Variants in GAREM2 observed in about 807,000 individuals in gnomAD.
The protein encoded by GAREM2 is GRB2 associated regulator of MAPK1 subtype 2, also known as GRB2-associated and regulator of MAPK protein 2.
In GAREM2, 30 loss-of-function variants were observed where a neutral mutation model predicts 55.6. That is an observed-to-expected ratio of 0.54 (90% CI 0.40 to 0.73). GAREM2 has a LOEUF of 0.73. Ranked by LOEUF, GAREM2 falls within the 30% of genes least tolerant of loss-of-function variation. The pLI, the probability that GAREM2 is intolerant of heterozygous loss-of-function variation, is 0.00. For missense variants in GAREM2, 1,075 were observed against 1,257.7 expected, an observed-to-expected ratio of 0.85 and a Z score of 2.20; for synonymous variants, 550 against 569.1, an observed-to-expected ratio of 0.97 and a Z score of 0.48.
the GAREM2 span, among the ~76,000 whole-genome samples, chr2:26,202,814 G>A: frequency 1.1e-4 from 16 of 152,364 alleles, no homozygotes; most frequent in South Asian, 3.3e-3. Context: ...CATGACAGCA[G>A]TCAGCAAACA....
chr2:26,180,141 G>A (rs555192193), intron 2 of GAREM2, among the ~76,000 whole-genome samples: 25 of 152,244 alleles, frequency 1.6e-4, no homozygotes, highest in African/African-American at 4.8e-4. Flanking sequence ...GGGCTCCCCC[G>A]CCAGCGTTCT....
At position 26,184,901 on chromosome 2, in the gene GAREM2, C is replaced by A; in HGVS notation, c.1053C>A (p.Arg351=). 6.9e-7 allele frequency: 1 copy of A among 1,453,546 alleles called. No homozygotes were observed. 90.0% of individuals were successfully genotyped at this position (1,453,546 alleles called of 1,614,324 possible). Residue 351 remains arginine, a synonymous_variant, in exon 4 of 6, where the codon CGC becomes CGA. Coordinates refer to ENST00000401533, the MANE Select transcript of GAREM2 (RefSeq NM_001168241.2). ...ACAGCGCCTCCTACTGCCGCGAGCG[C>A]TTCGACCCCGACGAGTACTCCACGG... ...VRDSASYCRE[R]FDPDEYSTAV... is the part of the protein sequence containing the mutation.
chr2:26,177,324 G>A (rs530058289), intron 2 of GAREM2, among the ~76,000 whole-genome samples: 33 of 152,272 alleles, frequency 2.2e-4, no homozygotes, highest in Non-Finnish European at 4.3e-4. Flanking sequence ...AGACGTCCCC[G>A]TGTGAGCCCC....
In GAREM2 at chr2:26,179,892, C is replaced by T. The variant is rs898077459; in HGVS notation, c.254-3075C>T. Among the ~76,000 whole-genome samples, 1 of 151,954 alleles carries T rather than the reference C, an allele frequency of 6.6e-6. No individual in the cohort carries two copies. Among genetic ancestry groups the T allele is most frequent in the Non-Finnish European group, 1.5e-5 (1 of 67,930 alleles). ...CCCACAGGGGGCAGTGGGCATTGCTCCCTGCCTGGCTACTTGTGGTTGGGG... is the reference window on the plus strand; with the variant it reads ...CCCACAGGGGGCAGTGGGCATTGCTTCCTGCCTGGCTACTTGTGGTTGGGG... On this transcript the variant is annotated intron_variant, in intron 2 of 5. Coordinates refer to ENST00000401533, the MANE Select transcript of GAREM2 (RefSeq NM_001168241.2). This position sits in a 1 kb window ranked among gnomAD's most constrained non-coding sequence, Gnocchi z 4.7.
At chr2:26,192,157 G>A (rs1287085202), downstream of GAREM2, among the ~76,000 whole-genome samples, 2 of 151,740 alleles carry the variant, frequency 1.3e-5, no homozygotes, top group East Asian at 3.9e-4. Flanking sequence ...ATGGAAGACA[G>A]CACCATGGCA....
At chr2:26,196,601 C>A in the GAREM2 span, among the ~76,000 whole-genome samples, 2 of 151,438 alleles carry the variant, frequency 1.3e-5, no homozygotes, top group African/African-American at 2.4e-5. Flanking sequence ...GTATCCCTTG[C>A]TCCCGGGCAA....
At chr2:26,175,135 C>T (rs1360759168) in intron 1 of GAREM2, among the ~76,000 whole-genome samples, 1 of 152,136 alleles carries the variant, frequency 6.6e-6, no homozygotes, top group Non-Finnish European at 1.5e-5. Context: ...TTTTATGGAG[C>T]CCCCAGCCAT....
intron 3 of GAREM2, 135 bp downstream of exon 3, chr2:26,183,232 G>A: frequency 1.2e-6 from 1 of 862,478 alleles, no homozygotes; most frequent in Non-Finnish European, 1.8e-6. Flanking sequence ...GGGGTCTTTG[G>A]CACAATCAAG....
At chr2:26,191,464 C>G (rs778281315), downstream of GAREM2, 2 of 1,614,162 alleles carry the variant, frequency 1.2e-6, no homozygotes, top group Admixed American at 1.7e-5. Context: ...GAGCTTCCTT[C>G]CCAACCTGCG....
At chr2:26,183,376 C>T (rs1340742301) in intron 3 of GAREM2, among the ~76,000 whole-genome samples, 2 of 152,206 alleles carry the variant, frequency 1.3e-5, no homozygotes, top group Non-Finnish European at 2.9e-5. Flanking sequence ...TCCCTAGCTG[C>T]CCCAGCACCC....
chr2:26,182,732 A>T (rs182967602), intron 2 of GAREM2, among the ~76,000 whole-genome samples: 107 of 152,174 alleles, frequency 7.0e-4, no homozygotes, highest in African/African-American at 2.4e-3. Context: ...CAGGCTCTCT[A>T]TGGGGGGAGG....
chr2:26,196,746 G>A, the GAREM2 span, among the ~76,000 whole-genome samples: 10 of 152,308 alleles, frequency 6.6e-5, no homozygotes, highest in African/African-American at 2.2e-4. Flanking sequence ...GCTCTGCTCC[G>A]ATGGCGGGGA....
In GAREM2 at chr2:26,187,739, C is replaced by A. The variant is rs748345730; in HGVS notation, c.2107C>A (p.Pro703Thr). The A allele has an allele frequency of 6.9e-7, 1 of 1,456,892 alleles. No individual in the cohort carries two copies. The highest frequency in any genetic ancestry group is 9.1e-7 in the Non-Finnish European group (1 of 1,099,676). 90.2% of individuals were successfully genotyped at this position (1,456,892 alleles called of 1,614,324 possible). The part of the protein sequence containing the change: ...WQEPVLEPFD[P>T]FELGQGSSPE... Reference sequence around the variant, plus strand: ...GGAACCAGTCCTGGAGCCCTTCGATCCCTTTGAGCTGGGGCAGGGCAGTTC... The same window carrying A: ...GGAACCAGTCCTGGAGCCCTTCGATACCTTTGAGCTGGGGCAGGGCAGTTC... Residue 703 changes from proline to threonine, a missense_variant, in exon 6 of 6, where the codon CCC (proline) becomes ACC (threonine). Physicochemically the swap from Pro to Thr is conservative, Grantham distance 38. Transcript: ENST00000401533.
chr2:26,185,286 C>A lies in GAREM2; in HGVS notation c.1428+10C>A. 1 of 1,500,664 alleles carries A rather than the reference C, an allele frequency of 6.7e-7. No homozygotes were observed. The highest frequency in any genetic ancestry group is 8.8e-7 in the Non-Finnish European group (1 of 1,131,546). The allele number at this position is 1,500,664 out of a possible 1,614,324, so 93.0% of individuals were successfully genotyped here. A position where few individuals can be genotyped will look rare whatever the true frequency, so the allele number is the denominator to read the frequency against. On this transcript the variant is annotated intron_variant, in intron 4 of 5. Transcript: ENST00000401533. ...TCCCAAATCCGAGGCGGTGAGTGAG[C>A]GCGCTGGGGGCCGAGTCCCGGGTCC...
Position 26,173,189 on chromosome 2 carries a change from C to G in GAREM2, c.-32C>G. 1 of 987,178 alleles carries G rather than the reference C, an allele frequency of 1.0e-6. No individual in the cohort carries two copies. The allele number at this position is 987,178 out of a possible 1,614,324, so 61.2% of individuals were successfully genotyped here. On this transcript the variant is annotated 5_prime_UTR_variant, in exon 1 of 6. Transcript: ENST00000401533. ...GGCCGCGCGGGACTGACCGTCGGGG[C>G]CCCGGGACGGCGGCCCCGGGGCGCC...
At position 26,184,810 on chromosome 2, in the gene GAREM2, C is replaced by T; in HGVS notation, c.962C>T (p.Thr321Met). The T allele has an allele frequency of 6.7e-7, 1 of 1,490,130 alleles. No individual in the cohort carries two copies. The highest frequency in any genetic ancestry group is 8.9e-7 in the Non-Finnish European group (1 of 1,127,916). The allele number at this position is 1,490,130 out of a possible 1,614,324, so 92.3% of individuals were successfully genotyped here. A position where few individuals can be genotyped will look rare whatever the true frequency, so the allele number is the denominator to read the frequency against. ...APLHFLLLTD[T>M]PRFALPQGLL... ...CTGCACTTCCTGCTGCTCACGGACA[C>T]GCCGCGCTTCGCGCTGCCGCAGGGC... The change falls in exon 4 of 6, where the codon ACG (threonine) becomes ATG (methionine). Residue 321 changes from threonine (T) to methionine (M), a missense_variant. Around this residue, in one of 6 missense-constraint regions of GAREM2, gnomAD observed 170 missense variants for 220.7 expected, o/e 0.77. Coordinates refer to ENST00000401533, the MANE Select transcript of GAREM2 (RefSeq NM_001168241.2).
chr2:26,184,795 T>A lies in GAREM2; in HGVS notation c.947T>A (p.Leu316Gln). ...GAGGGCCCGGCGCCGCTGCACTTCCTGCTGCTCACGGACACGCCGCGCTTC... is the reference window on the plus strand; with the variant it reads ...GAGGGCCCGGCGCCGCTGCACTTCCAGCTGCTCACGGACACGCCGCGCTTC... The part of the protein sequence containing the change: ...RREGPAPLHF[L>Q]LLTDTPRFAL... The change falls in exon 4 of 6, where the codon CTG becomes CAG. Residue 316 changes from leucine (L) to glutamine (Q), a missense_variant. This residue lies in a region of GAREM2 where 170 missense variants were observed against 220.7 expected (regional missense o/e 0.77). Coordinates refer to ENST00000401533, the MANE Select transcript of GAREM2 (RefSeq NM_001168241.2). The A allele has an allele frequency of 6.7e-7, 1 of 1,498,794 alleles. No homozygotes were observed. Among genetic ancestry groups the A allele is most frequent in the Non-Finnish European group, 8.8e-7 (1 of 1,131,256 alleles). 92.8% of individuals were successfully genotyped at this position (1,498,794 alleles called of 1,614,324 possible). A position where few individuals can be genotyped will look rare whatever the true frequency, so the allele number is the denominator to read the frequency against.
chr2:26,188,043 C>A lies in GAREM2; in HGVS notation c.2411C>A (p.Ala804Asp). ...VRDASSWQPP[A>D]DLSALSLEEV... ...GATGCCTCCTCCTGGCAGCCCCCTG[C>A]TGACCTGTCTGCACTCTCCCTGGAG... Residue 804 changes from alanine (A) to aspartate (D), a missense_variant, in exon 6 of 6, where the codon GCT becomes GAT. Coordinates refer to ENST00000401533, the MANE Select transcript of GAREM2 (RefSeq NM_001168241.2). The A allele has an allele frequency of 6.6e-7, 1 of 1,517,862 alleles. No homozygotes were observed. Among genetic ancestry groups the A allele is most frequent in the South Asian group, 1.3e-5 (1 of 79,702 alleles). 94.0% of individuals were successfully genotyped at this position (1,517,862 alleles called of 1,614,324 possible).
At chr2:26,191,587 A>G (rs756964298), downstream of GAREM2, 16 of 1,613,970 alleles carry the variant, frequency 9.9e-6, no homozygotes, top group South Asian at 1.8e-4. Flanking sequence ...CTCATTCACA[A>G]ATCTTGTCAC....
Sources: allele counts gnomAD v4.1 joint callset (sites outside exome capture counted in the v4.1 genomes callset), GRCh38; gene constraint gnomAD v4.1.1; regional missense constraint gnomAD v4.1.1; non-coding constraint Gnocchi (gnomAD v3.1); transcripts MANE v1.5; gene names NCBI Gene and HGNC (gene_info 2026-07-23, HGNC 2026-07-21).